Variants in LUZP2 observed in about 807,000 individuals in gnomAD.
LUZP2 encodes leucine zipper protein 2.
In LUZP2, 52 loss-of-function variants were observed where a neutral mutation model predicts 51.6. The observed-to-expected ratio is 1.01, with a 90% CI of 0.81 to 1.27. The LOEUF (loss-of-function observed/expected upper bound fraction) is 1.27, where lower values mean the gene tolerates loss of function less well. Ranked by LOEUF, LUZP2 falls within the 50% of genes most tolerant of loss-of-function variation. The pLI is 0.00. For synonymous variants in LUZP2, 154 were observed against 137.3 expected (o/e 1.12, Z -0.85); for missense variants, 436 against 395.4 (o/e 1.10, Z -0.87).
At chr11:25,070,363 A>G (rs1051642382) in intron 10 of LUZP2, among the ~76,000 whole-genome samples, 8 of 151,988 alleles carry the variant, frequency 5.3e-5, no homozygotes, top group Non-Finnish European at 1.0e-4. Context: ...TTTAATAATC[A>G]AAGCAAAGGC....
intron 5 of LUZP2, among the ~76,000 whole-genome samples, chr11:24,816,871 A>G (rs2134148647): frequency 6.6e-6 from 1 of 152,144 alleles, no homozygotes; most frequent in Middle Eastern, 3.4e-3. Flanking sequence ...GGTATATTTG[A>G]GACTTTTTTT....
intron 5 of LUZP2, among the ~76,000 whole-genome samples, chr11:24,860,666 C>T (rs370084583): frequency 6.6e-6 from 1 of 151,882 alleles, no homozygotes; most frequent in Non-Finnish European, 1.5e-5. Context: ...GAATAGGGCC[C>T]GAAGTGAACC....
chr11:25,047,267 G>A (rs931100245), intron 9 of LUZP2, among the ~76,000 whole-genome samples: 4 of 151,730 alleles, frequency 2.6e-5, no homozygotes, highest in African/African-American at 9.7e-5. Context: ...GGTGGTGGAT[G>A]TTCAGTAGAT....
intron 10 of LUZP2, among the ~76,000 whole-genome samples, chr11:25,065,601 T>C (rs1038209052): frequency 1.8e-4 from 27 of 152,044 alleles, no homozygotes; most frequent in Non-Finnish European, 1.5e-4. Context: ...CTTATTCTTC[T>C]TTGTCATGAA....
At chr11:25,024,100 T>G (rs1176665004) in intron 9 of LUZP2, among the ~76,000 whole-genome samples, 1 of 152,158 alleles carries the variant, frequency 6.6e-6, no homozygotes, top group Non-Finnish European at 1.5e-5. Context: ...CTGAGAAGAA[T>G]GTATATTCTG....
At chr11:24,848,770 G>A (rs1851288123) in intron 5 of LUZP2, among the ~76,000 whole-genome samples, 1 of 152,106 alleles carries the variant, frequency 6.6e-6, no homozygotes, top group African/African-American at 2.4e-5. Context: ...CTTTTTATGA[G>A]ACTAGCATAA....
At chr11:24,677,417 T>C (rs1856595261) in intron 1 of LUZP2, among the ~76,000 whole-genome samples, 1 of 152,330 alleles carries the variant, frequency 6.6e-6, no homozygotes, top group East Asian at 1.9e-4. Flanking sequence ...TCTGTCTTCG[T>C]GTAGGTATGG....
intron 1 of LUZP2, among the ~76,000 whole-genome samples, chr11:24,716,828 G>A (rs549082252): frequency 2.3e-4 from 35 of 152,186 alleles, no homozygotes; most frequent in Non-Finnish European, 2.9e-4. Context: ...CTCAGGAGGC[G>A]GAGTTTGCAG....
intron 1 of LUZP2, among the ~76,000 whole-genome samples, chr11:24,654,525 T>C (rs10767229): frequency 0.56 from 85,217 of 151,760 alleles, 24,663 homozygotes; most frequent in African/African-American, 0.7. Context: ...AGAGTTTCTC[T>C]TGCCTCAGCC....
intron 4 of LUZP2, among the ~76,000 whole-genome samples, chr11:24,749,423 C>T (rs976043506): frequency 7.2e-5 from 11 of 152,064 alleles, no homozygotes; most frequent in Admixed American, 5.9e-4. Context: ...TTGAAGGATA[C>T]GTAGATAGCT....
At chr11:24,949,898 T>A (rs1288560994) in intron 7 of LUZP2, among the ~76,000 whole-genome samples, 1 of 151,462 alleles carries the variant, frequency 6.6e-6, no homozygotes, top group Non-Finnish European at 1.5e-5. Flanking sequence ...CTTTCTTGCC[T>A]GAGATAAGCT....
intron 4 of LUZP2, among the ~76,000 whole-genome samples, chr11:24,760,901 T>C (rs1466509342): frequency 1.3e-5 from 2 of 152,216 alleles, no homozygotes; most frequent in African/African-American, 2.4e-5. Context: ...ATATTACTTA[T>C]GCAACACTTG....
At chr11:24,792,350 C>A (rs1849432059) in intron 5 of LUZP2, among the ~76,000 whole-genome samples, 1 of 151,770 alleles carries the variant, frequency 6.6e-6, no homozygotes, top group Non-Finnish European at 1.5e-5. Context: ...TCTCTTGAAC[C>A]TGGGAGGCGG....
At chr11:24,509,575 C>A (rs775443145) in intron 1 of LUZP2, among the ~76,000 whole-genome samples, 1 of 148,874 alleles carries the variant, frequency 6.7e-6, no homozygotes, top group Admixed American at 6.8e-5. Context: ...TACTCATAGA[C>A]ATCTTTCACT....
At chr11:24,948,845 A>G (rs528625837) in intron 7 of LUZP2, among the ~76,000 whole-genome samples, 23 of 148,240 alleles carry the variant, frequency 1.6e-4, no homozygotes, top group African/African-American at 5.4e-4. Context: ...CTATCTATCT[A>G]TCTATCTATC....
rs1853463630 is a variant in LUZP2, at chr11:24,906,619, CTG to C, written c.459+568_459+569del. The stretch of plus-strand genomic sequence containing the variant: ...CATCTCCAAGTCTATTCTTATGACT[CTG>C]TAATGTGAAAATGTAGCTCATAGAA... On this transcript the variant is annotated intron_variant, in intron 6 of 11. Transcript: ENST00000336930. Among the ~76,000 whole-genome samples the C allele has an allele frequency of 3.9e-5, 6 of 152,116 alleles. No individual in the cohort carries two copies. In the South Asian group the frequency reaches 1.2e-3, roughly 32 times the overall value.
rs146980077 is a variant in LUZP2 at position 25,046,127 on chromosome 11, C to G, written c.766-3911C>G. Among the ~76,000 whole-genome samples, 18 of 151,714 alleles carry G rather than the reference C, an allele frequency of 1.2e-4. No individual in the cohort carries two copies. In the East Asian group the frequency reaches 1.7e-3, roughly 15 times the overall value. ...AGTTCCAAGGCTTCTAATGACCTAA[C>G]TTGGATTATGTATGTGCCCATATCT... On this transcript the variant is annotated intron_variant, in intron 9 of 11. Coordinates refer to ENST00000336930, the MANE Select transcript of LUZP2 (RefSeq NM_001009909.4).
chr11:24,555,822 TA>T (rs974786747), intron 1 of LUZP2, among the ~76,000 whole-genome samples: 2 of 151,952 alleles, frequency 1.3e-5, no homozygotes, highest in East Asian at 3.9e-4. Context: ...AAATAAAGAA[TA>T]AAAAAATTAG....
chr11:24,949,875 A>G (rs552874171), intron 7 of LUZP2, among the ~76,000 whole-genome samples: 5 of 151,684 alleles, frequency 3.3e-5, no homozygotes, highest in African/African-American at 1.2e-4. Context: ...CAAAGGAGAA[A>G]TCAGCTTTTC....
Sources: gnomAD v4.1 joint callset for allele counts (sites outside exome capture counted in the v4.1 genomes callset) on GRCh38, gnomAD v4.1.1 for gene constraint, MANE v1.5 for transcripts, NCBI Gene and HGNC (gene_info 2026-07-23, HGNC 2026-07-21) for gene names.